The following PRKN variants were observed in gnomAD, a reference collection of about 807,000 sequenced individuals.
PRKN encodes the protein E3 ubiquitin-protein ligase parkin.
Under a neutral mutation model 59.5 loss-of-function variants are expected in PRKN, and 56 were observed. The ratio of observed to expected loss-of-function variants is 0.94; its 90% CI spans 0.76 to 1.18. PRKN has a LOEUF of 1.18. PRKN is among the 50% of genes most tolerant of loss of function. PRKN has a pLI of 0.00. For missense variants in PRKN, 657 were observed against 596.4 expected (o/e 1.10, Z -1.06); for synonymous variants, 250 against 222.1 (o/e 1.13, Z -1.12).
intron 2 of PRKN, among the ~76,000 whole-genome samples, chr6:162,319,057 T>C (rs1338357671): frequency 1.3e-5 from 2 of 152,062 alleles, no homozygotes; most frequent in South Asian, 2.1e-4. Context: ...TGTTTTATTC[T>C]TTACACAGTC....
intron 5 of PRKN, among the ~76,000 whole-genome samples, chr6:162,045,837 C>G (rs11752640): frequency 0.053 from 8,040 of 152,248 alleles, 296 homozygotes; most frequent in Non-Finnish European, 0.079. Flanking sequence ...ATTCTTCTCA[C>G]TCCATTAGGC....
At position 161,371,023 on chromosome 6, in the gene PRKN, G is replaced by A. The variant is rs1481838555; in HGVS notation, c.1168-10818C>T. Among the ~76,000 whole-genome samples, 1 of 152,130 alleles carries A rather than the reference G, an allele frequency of 6.6e-6. No individual in the cohort carries two copies. Among genetic ancestry groups the A allele is most frequent in the East Asian group, 1.9e-4 (1 of 5,188 alleles). ...CCTCCTGCTGGTGAGTAAGAAAATG[G>A]CATCACTTTTCAGGGGCCTTGAGCT... On this transcript the variant is annotated intron_variant, in intron 10 of 11. Transcript: ENST00000366898. The surrounding 1 kb of genome is among the most constrained non-coding windows in gnomAD (Gnocchi z 5.5).
intron 7 of PRKN, among the ~76,000 whole-genome samples, chr6:161,777,683 A>ATAAT (rs1219188620): frequency 2.8e-5 from 4 of 143,418 alleles, no homozygotes; most frequent in African/African-American, 7.7e-5. Context: ...ATATATATAT[A>ATAAT]ATATATATAT....
chr6:161,883,571 T>G (rs1166817400), intron 6 of PRKN, among the ~76,000 whole-genome samples: 1 of 152,222 alleles, frequency 6.6e-6, no homozygotes, highest in Admixed American at 6.5e-5. Context: ...GTTACCTATA[T>G]CTACCTGTGA....
chr6:162,459,057 T>C (rs1791039840), intron 1 of PRKN, among the ~76,000 whole-genome samples: 1 of 152,164 alleles, frequency 6.6e-6, no homozygotes, highest in Admixed American at 6.5e-5. Context: ...TGACCCCAGG[T>C]GATCCACCCT....
At chr6:162,336,846 A>G (rs574123822) in intron 2 of PRKN, among the ~76,000 whole-genome samples, 1 of 152,312 alleles carries the variant, frequency 6.6e-6, no homozygotes, top group Admixed American at 6.5e-5. Flanking sequence ...TGGTGAGTCC[A>G]AGAGACCCAA....
At chr6:162,418,894 C>T (rs959048205) in intron 2 of PRKN, among the ~76,000 whole-genome samples, 9 of 151,740 alleles carry the variant, frequency 5.9e-5, no homozygotes, top group Non-Finnish European at 1.2e-4. Context: ...GAATCATCTG[C>T]GAGGGTGTGG....
In PRKN at chr6:161,467,226, T is replaced by A. The variant is rs1025683075; in HGVS notation, c.1084-80349A>T. Among the ~76,000 whole-genome samples, 1 of 152,232 alleles carries A rather than the reference T, an allele frequency of 6.6e-6. No homozygotes were observed. The highest frequency in any genetic ancestry group is 1.5e-5 in the Non-Finnish European group (1 of 68,038). On this transcript the variant is annotated intron_variant, in intron 9 of 11. Transcript: ENST00000366898. This position sits in a 1 kb window ranked among gnomAD's most constrained non-coding sequence, Gnocchi z 4.3. ...AGAGAGACTTCTTCCATCTACACCC[T>A]TCTGTCTTAAGTATAATTCACTCAT... is the stretch of plus-strand genomic sequence containing the variant.
chr6:162,635,181 T>G (rs1420055561), intron 1 of PRKN, among the ~76,000 whole-genome samples: 1 of 152,176 alleles, frequency 6.6e-6, no homozygotes, highest in Non-Finnish European at 1.5e-5. Context: ...GTAACAGCCT[T>G]TTATATATTT....
At chr6:162,284,430 G>T (rs1781087445) in intron 2 of PRKN, among the ~76,000 whole-genome samples, 1 of 151,762 alleles carries the variant, frequency 6.6e-6, no homozygotes, top group African/African-American at 2.4e-5. Flanking sequence ...CTCCATGTTG[G>T]TCAGGCTGGT....
chr6:162,154,413 T>C (rs149476069), intron 4 of PRKN, among the ~76,000 whole-genome samples: 108 of 152,088 alleles, frequency 7.1e-4, no homozygotes, highest in African/African-American at 2.4e-3. Context: ...CCAAATCTAA[T>C]ATAGGTTTCT....
At chr6:161,707,038 A>T (rs1462540822) in intron 7 of PRKN, among the ~76,000 whole-genome samples, 1 of 152,292 alleles carries the variant, frequency 6.6e-6, no homozygotes, top group South Asian at 2.1e-4. Context: ...TATTTCTCAT[A>T]AAGCTTTCAA....
intron 1 of PRKN, among the ~76,000 whole-genome samples, chr6:162,451,301 ACT>A (rs1347607273): frequency 6.6e-6 from 1 of 151,402 alleles, no homozygotes; most frequent in Admixed American, 6.6e-5. Context: ...CCCTGAAATG[ACT>A]CTAATTTTGA....
chr6:162,390,254 A>T (rs866096465), intron 2 of PRKN, among the ~76,000 whole-genome samples: 1 of 151,790 alleles, frequency 6.6e-6, no homozygotes, highest in African/African-American at 2.4e-5. Flanking sequence ...AAATAGTGAA[A>T]AATAATAATA....
intron 1 of PRKN, among the ~76,000 whole-genome samples, chr6:162,608,962 G>C (rs1319204525): frequency 6.6e-6 from 1 of 152,146 alleles, no homozygotes; most frequent in Non-Finnish European, 1.5e-5. Flanking sequence ...CCTGGGAGTG[G>C]ATGAGCAAAG....
At chr6:162,130,606 A>G (rs1236793122) in intron 4 of PRKN, among the ~76,000 whole-genome samples, 1 of 152,186 alleles carries the variant, frequency 6.6e-6, no homozygotes, top group South Asian at 2.1e-4. Context: ...CTCTGGGGAC[A>G]TGGATCCCAA....
At chr6:161,695,205 C>T (rs1215295911) in intron 7 of PRKN, among the ~76,000 whole-genome samples, 13 of 152,078 alleles carry the variant, frequency 8.5e-5, no homozygotes, top group Non-Finnish European at 1.9e-4. Flanking sequence ...ATTAGCACTG[C>T]CCCCAACTGG....
Position 161,688,915 on chromosome 6 carries a change from C to A in PRKN, c.871+96857G>T, listed in dbSNP as rs114533141. On this transcript the variant is annotated intron_variant, in intron 7 of 11. Transcript: ENST00000366898. ...AACACAGAAATTTCAACCTCTGCTTCCGAGAAATGATTGCCAATTCATTCA... is the reference window on the plus strand; with the variant it reads ...AACACAGAAATTTCAACCTCTGCTTACGAGAAATGATTGCCAATTCATTCA... 5.1e-3 allele frequency among the ~76,000 whole-genome samples: 769 copies of A among 152,186 alleles called. 11 individuals are homozygous for A. The highest frequency in any genetic ancestry group is 0.018 in the African/African-American group (735 of 41,494).
chr6:162,222,410 C>T (rs1777975573), intron 3 of PRKN, among the ~76,000 whole-genome samples: 1 of 152,088 alleles, frequency 6.6e-6, no homozygotes, highest in Non-Finnish European at 1.5e-5. Flanking sequence ...ATAGAGCTTC[C>T]GACCGCTTTG....
Sources: allele counts gnomAD v4.1 joint callset (sites outside exome capture counted in the v4.1 genomes callset), GRCh38; gene constraint gnomAD v4.1.1; non-coding constraint Gnocchi (gnomAD v3.1); transcripts MANE v1.5; gene names NCBI Gene and HGNC (gene_info 2026-07-23, HGNC 2026-07-21).